The following EML6 variants were observed in gnomAD, a reference collection of about 807,000 sequenced individuals.
EML6 encodes the protein EMAP like 6, also known as echinoderm microtubule-associated protein-like 6.
EML6 carries 154 observed loss-of-function variants against 240.1 expected under a neutral mutation model. The observed-to-expected ratio is 0.64, with a 90% confidence interval of 0.56 to 0.73. EML6 has a LOEUF of 0.73. Ranked by LOEUF, EML6 falls within the 30% of genes least tolerant of loss-of-function variation. The probability of loss-of-function intolerance (pLI) is 0.00; values close to 1 mark genes in which losing one functional copy is unlikely to be tolerated. For missense variants in EML6, 2,964 were observed against 2,474.6 expected, an observed-to-expected ratio of 1.20 and a Z score of -4.20; for synonymous variants, 1,148 against 899.0, an observed-to-expected ratio of 1.28 and a Z score of -4.95.
chr2:54,849,524 T>C (rs1669955584), intron 9 of EML6, among the ~76,000 whole-genome samples: 1 of 152,250 alleles, frequency 6.6e-6, no homozygotes, highest in Non-Finnish European at 1.5e-5. Context: ...AGTCTTGCTC[T>C]GTCGCCCAAG....
At chr2:54,960,116 A>C in intron 34 of EML6, 104 bp from the exon 35 acceptor site, 1 of 854,766 alleles carries the variant, frequency 1.2e-6, no homozygotes, top group East Asian at 2.7e-5. Flanking sequence ...CTGGGCCCCA[A>C]CTGGCCAGAA....
rs774844351 is a variant in EML6 at position 54,844,082 on chromosome 2, C to A, written c.883C>A (p.Arg295Ser). The change falls in exon 8 of 42, where the codon CGC becomes AGC. Residue 295 changes from arginine to serine, a missense_variant. Arg to Ser is a moderately radical substitution (Grantham distance 110). Transcript: ENST00000356458. ...CCGGAGCGTGTGCTGGAAAGCAGAC[C>A]GCCTTCTAGCAGGGACCCAGGACAG... ...SIRSVCWKAD[R>S]LLAGTQDSEI... 5.8e-6 allele frequency: 9 copies of A among 1,550,348 alleles called. No homozygotes were observed. The highest frequency in any genetic ancestry group is 7.0e-6 in the Non-Finnish European group (8 of 1,146,486).
chr2:54,816,433 C>T (rs1475330761), intron 3 of EML6, among the ~76,000 whole-genome samples: 1 of 152,168 alleles, frequency 6.6e-6, no homozygotes, highest in Non-Finnish European at 1.5e-5. Flanking sequence ...TTAAATCTCA[C>T]ATTAAGATTT....
intron 7 of EML6, among the ~76,000 whole-genome samples, chr2:54,829,856 T>C (rs1668780120): frequency 6.6e-6 from 1 of 152,140 alleles, no homozygotes. Context: ...AGCTTTAAAG[T>C]AGTAGATAAT....
At chr2:54,854,115 C>T (rs982133323) in intron 11 of EML6, among the ~76,000 whole-genome samples, 7 of 152,160 alleles carry the variant, frequency 4.6e-5, no homozygotes, top group African/African-American at 1.7e-4. Flanking sequence ...CCTTGTTTCA[C>T]ATTTCGAACA....
chr2:54,758,935 T>G (rs570963243), intron 2 of EML6, among the ~76,000 whole-genome samples: 33 of 84,764 alleles, frequency 3.9e-4, no homozygotes, highest in Middle Eastern at 6.2e-3. Context: ...AGTTGCCTTT[T>G]TGAGCTATAG....
intron 28 of EML6, among the ~76,000 whole-genome samples, chr2:54,929,935 T>C (rs1014371669): frequency 4.5e-4 from 68 of 152,196 alleles, no homozygotes; most frequent in African/African-American, 1.6e-3. Context: ...AACATGGTTT[T>C]AAAGTGGCCA....
intron 26 of EML6, among the ~76,000 whole-genome samples, chr2:54,925,564 T>C (rs1297610777): frequency 6.6e-6 from 1 of 152,204 alleles, no homozygotes; most frequent in Non-Finnish European, 1.5e-5. Context: ...TGAGTGGGCA[T>C]CTCTTCCGGG....
At chr2:54,796,653 C>T (rs1669795036) in intron 2 of EML6, among the ~76,000 whole-genome samples, 1 of 152,214 alleles carries the variant, frequency 6.6e-6, no homozygotes, top group Admixed American at 6.5e-5. Context: ...ACTGTTAGTT[C>T]AGTGCCAAAA....
At chr2:54,769,337 C>T (rs953212581) in intron 2 of EML6, among the ~76,000 whole-genome samples, 1 of 152,158 alleles carries the variant, frequency 6.6e-6, no homozygotes, top group African/African-American at 2.4e-5. Flanking sequence ...GCTACAGGGA[C>T]AAGCCCTAGA....
At chr2:54,920,288 A>G (rs1573144211) in intron 26 of EML6, among the ~76,000 whole-genome samples, 1 of 152,094 alleles carries the variant, frequency 6.6e-6, no homozygotes, top group Non-Finnish European at 1.5e-5. Context: ...TAGACTAGCC[A>G]AAAAAAGGAC....
intron 28 of EML6, among the ~76,000 whole-genome samples, chr2:54,939,341 T>A (rs552226963): frequency 2.6e-5 from 4 of 152,302 alleles, no homozygotes; most frequent in African/African-American, 9.6e-5. Context: ...CTCAGTGGTG[T>A]TGAGGGTAGT....
At chr2:54,924,652 C>G (rs1184865734) in intron 26 of EML6, among the ~76,000 whole-genome samples, 1 of 152,146 alleles carries the variant, frequency 6.6e-6, no homozygotes, top group Non-Finnish European at 1.5e-5. Context: ...ACCTCTGTCT[C>G]CTGGGTTCAA....
chr2:54,920,709 A>T (rs186496341), intron 26 of EML6, among the ~76,000 whole-genome samples: 1 of 152,210 alleles, frequency 6.6e-6, no homozygotes, highest in South Asian at 2.1e-4. Flanking sequence ...AGGACATTAC[A>T]AGAAAACTAC....
chr2:54,898,665 A>G (rs1672897770), intron 21 of EML6, among the ~76,000 whole-genome samples: 1 of 152,244 alleles, frequency 6.6e-6, no homozygotes, highest in African/African-American at 2.4e-5. Flanking sequence ...CTCTTTGGAA[A>G]GCCACCTGTT....
intron 5 of EML6, 97 bp downstream of exon 5, chr2:54,820,559 A>AT (rs1023884529): frequency 7.9e-5 from 58 of 730,042 alleles, no homozygotes; most frequent in African/African-American, 4.7e-4. Context: ...TAGACTTTAC[A>AT]TTTTTTTTCT....
At chr2:54,964,920 A>G (rs1676681448) in intron 38 of EML6, among the ~76,000 whole-genome samples, 187 bp downstream of exon 38, 1 of 152,230 alleles carries the variant, frequency 6.6e-6, no homozygotes, top group South Asian at 2.1e-4. Context: ...GAATTTAAGA[A>G]CGTGGAGGAA....
intron 17 of EML6, among the ~76,000 whole-genome samples, chr2:54,884,052 G>T (rs985411324): frequency 1.3e-5 from 2 of 152,158 alleles, no homozygotes; most frequent in South Asian, 4.1e-4. Flanking sequence ...AATTCTGTTT[G>T]CTGAGTATTC....
chr2:54,734,886 A>C (rs1683326109), intron 2 of EML6, among the ~76,000 whole-genome samples: 1 of 152,352 alleles, frequency 6.6e-6, no homozygotes, highest in South Asian at 2.1e-4. Context: ...TATTGCCTGC[A>C]TGATGAGAGT....
Sources: allele counts gnomAD v4.1 joint callset (sites outside exome capture counted in the v4.1 genomes callset), GRCh38; gene constraint gnomAD v4.1.1; transcripts MANE v1.5; gene names NCBI Gene and HGNC (gene_info 2026-07-23, HGNC 2026-07-21).